The following RERE variants were observed in gnomAD, a reference collection of about 807,000 sequenced individuals.
RERE encodes the protein arginine-glutamic acid dipeptide repeats protein.
In RERE, 40 loss-of-function variants were observed where a neutral mutation model predicts 146.1. That is an observed-to-expected ratio of 0.27 (90% CI 0.21 to 0.36). The LOEUF (loss-of-function observed/expected upper bound fraction) is 0.36, where lower values mean the gene tolerates loss of function less well. Ranked by LOEUF, RERE falls within the 10% of genes least tolerant of loss-of-function variation. RERE has a pLI of 1.00. For missense variants in RERE, 1,933 were observed against 2,138.7 expected, an observed-to-expected ratio of 0.90 and a Z score of 1.90; for synonymous variants, 1,003 against 866.0, an observed-to-expected ratio of 1.16 and a Z score of -2.78.
At chr1:8,682,291 A>G (rs574245247) in intron 1 of RERE, among the ~76,000 whole-genome samples, 13 of 152,324 alleles carry the variant, frequency 8.5e-5, no homozygotes, top group Non-Finnish European at 1.3e-4. Flanking sequence ...ACTAAATCCT[A>G]TCTCATTTCT....
At chr1:8,464,235 T>A (rs1644565652) in intron 11 of RERE, among the ~76,000 whole-genome samples, 1 of 152,188 alleles carries the variant, frequency 6.6e-6, no homozygotes, top group Non-Finnish European at 1.5e-5. Context: ...AAGCACTCCA[T>A]TACCAAACCC....
intron 12 of RERE, among the ~76,000 whole-genome samples, chr1:8,398,493 C>G (rs1192032605): frequency 6.6e-6 from 1 of 152,244 alleles, no homozygotes; most frequent in African/African-American, 2.4e-5. Flanking sequence ...AGATCCTCTT[C>G]TATTAACAAC....
At chr1:8,767,428 T>C (rs1398030720) in intron 1 of RERE, among the ~76,000 whole-genome samples, 1 of 151,972 alleles carries the variant, frequency 6.6e-6, no homozygotes, top group African/African-American at 2.4e-5. Flanking sequence ...TGGTGAAATC[T>C]CATCTCTACA....
chr1:8,404,278 G>A (rs1008398925), intron 12 of RERE, among the ~76,000 whole-genome samples: 14 of 152,206 alleles, frequency 9.2e-5, no homozygotes, highest in Middle Eastern at 3.4e-3. Flanking sequence ...TTAGCCAGGC[G>A]TGGTGGCGGG....
At chr1:8,401,406 C>T (rs1643259356) in intron 12 of RERE, among the ~76,000 whole-genome samples, 1 of 151,702 alleles carries the variant, frequency 6.6e-6, no homozygotes, top group African/African-American at 2.4e-5. Flanking sequence ...CCTGCCACTG[C>T]ACGCCAGCCT....
intron 11 of RERE, among the ~76,000 whole-genome samples, chr1:8,448,643 G>A (rs901407180): frequency 3.3e-5 from 5 of 152,074 alleles, no homozygotes; most frequent in African/African-American, 1.2e-4. Flanking sequence ...AAACGTCATT[G>A]AAGAAACATT....
intron 1 of RERE, among the ~76,000 whole-genome samples, chr1:8,773,497 C>G (rs1052637666): frequency 1.3e-5 from 2 of 152,012 alleles, no homozygotes; most frequent in Non-Finnish European, 2.9e-5. Flanking sequence ...AGTTCAAGAC[C>G]AGCCTGCACA....
At chr1:8,792,931 C>T (rs952840360) in intron 1 of RERE, among the ~76,000 whole-genome samples, 2 of 151,748 alleles carry the variant, frequency 1.3e-5, no homozygotes, top group African/African-American at 2.4e-5. Context: ...CCGAGGTGGG[C>T]GGATCACTTG....
chr1:8,379,457 T>G (rs1210949986), intron 12 of RERE, among the ~76,000 whole-genome samples: 2 of 152,022 alleles, frequency 1.3e-5, no homozygotes, highest in Non-Finnish European at 2.9e-5. Flanking sequence ...ACAGACACAC[T>G]GCAGTTGAGA....
intron 8 of RERE, among the ~76,000 whole-genome samples, chr1:8,502,525 C>G (rs371016480): frequency 3.0e-5 from 4 of 132,044 alleles, no homozygotes; most frequent in Non-Finnish European, 4.9e-5. Flanking sequence ...CGCTTCTGCC[C>G]GGCCGCCCCT....
At chr1:8,606,673 G>C (rs551956171) in intron 4 of RERE, among the ~76,000 whole-genome samples, 47 of 152,196 alleles carry the variant, frequency 3.1e-4, no homozygotes, top group Middle Eastern at 3.4e-3. Context: ...ATGATTTAAA[G>C]GACACACACT....
chr1:8,646,778 C>T (rs1016065280), intron 2 of RERE, among the ~76,000 whole-genome samples: 5 of 152,188 alleles, frequency 3.3e-5, no homozygotes, highest in Non-Finnish European at 7.3e-5. Flanking sequence ...CAGCAAACTA[C>T]TGTAAGCAAG....
intron 7 of RERE, among the ~76,000 whole-genome samples, chr1:8,511,439 A>C (rs554949750): frequency 6.6e-6 from 1 of 152,256 alleles, no homozygotes; most frequent in Non-Finnish European, 1.5e-5. Context: ...ATAGCAAGAA[A>C]TACAACAAAG....
chr1:8,511,052 C>T (rs1297270137), intron 7 of RERE, among the ~76,000 whole-genome samples: 3 of 152,112 alleles, frequency 2.0e-5, no homozygotes, highest in Non-Finnish European at 2.9e-5. Flanking sequence ...CCGCACTCAC[C>T]GCCCAACCCC....
intron 1 of RERE, among the ~76,000 whole-genome samples, chr1:8,669,960 T>C (rs1638676325): frequency 6.6e-6 from 1 of 152,094 alleles, no homozygotes; most frequent in South Asian, 2.1e-4. Flanking sequence ...AGGTACAAAT[T>C]ATATCAAAGG....
At chr1:8,560,793 T>C (rs1424082853) in intron 4 of RERE, among the ~76,000 whole-genome samples, 1 of 152,188 alleles carries the variant, frequency 6.6e-6, no homozygotes, top group Non-Finnish European at 1.5e-5. Flanking sequence ...GAACTTGGTT[T>C]CCTACAAGGG....
chr1:8,568,819 A>G (rs1646183263), intron 4 of RERE, among the ~76,000 whole-genome samples: 1 of 151,860 alleles, frequency 6.6e-6, no homozygotes, highest in South Asian at 2.1e-4. Flanking sequence ...CCCTTAATAA[A>G]TCCCCTCTCA....
At chr1:8,773,483 C>T (rs936650001) in intron 1 of RERE, among the ~76,000 whole-genome samples, 1 of 152,104 alleles carries the variant, frequency 6.6e-6, no homozygotes, top group Non-Finnish European at 1.5e-5. Context: ...CACTTGAGCT[C>T]TGAAGTTCAA....
At chr1:8,599,205 G>A (rs796106966) in intron 4 of RERE, among the ~76,000 whole-genome samples, 4 of 152,152 alleles carry the variant, frequency 2.6e-5, no homozygotes, top group South Asian at 2.1e-4. Context: ...TGAGGTTCAC[G>A]AGATGGGCTG....
Sources: allele counts gnomAD v4.1 joint callset (sites outside exome capture counted in the v4.1 genomes callset), GRCh38; gene constraint gnomAD v4.1.1; transcripts MANE v1.5; gene names NCBI Gene and HGNC (gene_info 2026-07-23, HGNC 2026-07-21).